U2SURP: variants seen among roughly 807,000 people sequenced by gnomAD.
U2SURP encodes the protein U2 snRNP-associated SURP motif-containing protein.
In U2SURP, 9 loss-of-function variants were observed where a neutral mutation model predicts 144.9. The observed-to-expected ratio is 0.06, with a 90% confidence interval of 0.04 to 0.11. The LOEUF (loss-of-function observed/expected upper bound fraction) is 0.11. Among genes scored for constraint, U2SURP ranks in the 10% least tolerant of loss-of-function variants. U2SURP has a pLI of 1.00. For synonymous variants in U2SURP, 408 were observed against 396.8 expected (o/e 1.03, Z -0.33); for missense variants, 724 against 1,226.7 (o/e 0.59, Z 6.12).
intron 24 of U2SURP, among the ~76,000 whole-genome samples, chr3:143,049,137 G>A (rs1934706026): frequency 6.6e-6 from 1 of 150,722 alleles, no homozygotes; most frequent in South Asian, 2.1e-4. Context: ...TTGGTGGCGT[G>A]CGCCTGTAAT....
At chr3:143,038,067 C>T (rs758911860) in intron 21 of U2SURP, 41 bp from the exon 22 acceptor site, 3 of 1,457,816 alleles carry the variant, frequency 2.1e-6, no homozygotes, top group Non-Finnish European at 2.8e-6. Flanking sequence ...TTCGGGTCAT[C>T]CACTAGTAGT....
rs768610344 is a variant in U2SURP at position 143,056,449 on chromosome 3, G to A, written c.3089G>A (p.Ter1030=). The change falls in exon 28 of 28, where the codon TGA becomes TAA. Residue 1030 remains the stop codon, a stop_retained_variant. Transcript: ENST00000473835. ...AAAAAGTCAAAGAAAAACAAACACT[G>A]ACGTAAATTTTTAAGATGCTGTCAC... is the stretch of plus-strand genomic sequence containing the variant. The part of the protein sequence containing the change: ...SHKKSKKNKH[*] 37 of 1,611,308 alleles carry A rather than the reference G, an allele frequency of 2.3e-5. No individual in the cohort carries two copies. Among genetic ancestry groups the A allele is most frequent in the Non-Finnish European group, 3.1e-5 (37 of 1,178,704 alleles).
chr3:143,058,619 GT>G lies in U2SURP; in HGVS notation c.*2173del, dbSNP rs1237772012. On this transcript the variant is annotated 3_prime_UTR_variant, in exon 28 of 28. Coordinates refer to ENST00000473835, the MANE Select transcript of U2SURP (RefSeq NM_001080415.2). The stretch of plus-strand genomic sequence containing the variant: ...GGTATTATTAGATAGGTTATTTCCA[GT>G]TTTACTTCATGACAAATTACCTAGA... 2.0e-5 allele frequency: 3 copies of G among 151,690 alleles called. No individual in the cohort carries two copies. The East Asian group carries it at 5.8e-4, about 29-fold the overall frequency. The allele number at this position is 151,690 out of a possible 1,614,324, so 9.4% of individuals were successfully genotyped here. A position where few individuals can be genotyped will look rare whatever the true frequency, so the allele number is the denominator to read the frequency against.
At chr3:143,007,259 T>G (rs2108267447) in intron 1 of U2SURP, among the ~76,000 whole-genome samples, 1 of 152,164 alleles carries the variant, frequency 6.6e-6, no homozygotes, top group East Asian at 1.9e-4. Flanking sequence ...GCCTTTTCAC[T>G]TCTTCCTTTT....
intron 23 of U2SURP, among the ~76,000 whole-genome samples, chr3:143,041,045 C>T (rs1201802723): frequency 6.6e-6 from 1 of 151,332 alleles, no homozygotes; most frequent in Non-Finnish European, 1.5e-5. Flanking sequence ...AGGATGTTTA[C>T]CAAAGAATAT....
chr3:143,038,319 A>C, intron 22 of U2SURP, 116 bp downstream of exon 22: 2 of 721,746 alleles, frequency 2.8e-6, no homozygotes, highest in Non-Finnish European at 4.2e-6. Flanking sequence ...CTTAATGCTC[A>C]ATGTTGTCAT....
intron 12 of U2SURP, 186 bp downstream of exon 12, chr3:143,023,250 T>G: frequency 5.8e-6 from 3 of 516,990 alleles, no homozygotes; most frequent in South Asian, 6.3e-5. Context: ...TAGGTCATAT[T>G]TTTATTTGTG....
At chr3:143,006,614 G>A (rs1271576955) in intron 1 of U2SURP, among the ~76,000 whole-genome samples, 1 of 152,042 alleles carries the variant, frequency 6.6e-6, no homozygotes, top group Non-Finnish European at 1.5e-5. Flanking sequence ...AATTAGCTGG[G>A]CATGGTGGCA....
At chr3:143,014,579 A>G (rs539482123) in intron 4 of U2SURP, among the ~76,000 whole-genome samples, 170 bp downstream of exon 4, 7 of 152,086 alleles carry the variant, frequency 4.6e-5, no homozygotes, top group Middle Eastern at 6.8e-3. Context: ...TTGAGCTTCT[A>G]TCCTTGTTCC....
intron 14 of U2SURP, 104 bp downstream of exon 14, chr3:143,027,357 G>A (rs974105956): frequency 3.7e-6 from 3 of 812,704 alleles, no homozygotes; most frequent in South Asian, 1.9e-5. Flanking sequence ...TCACATTGTT[G>A]TACAACCATC....
chr3:143,055,136 T>G lies in U2SURP; in HGVS notation c.2951+17T>G. The G allele has an allele frequency of 6.5e-7, 1 of 1,546,492 alleles. No homozygotes were observed. The highest frequency in any genetic ancestry group is 2.2e-5 in the Admixed American group (1 of 46,386). On this transcript the variant is annotated intron_variant, in intron 27 of 27. Coordinates refer to ENST00000473835, the MANE Select transcript of U2SURP (RefSeq NM_001080415.2). ...AGCCAAAAGGTAAATGCAAGTCATT[T>G]TTGCTAATATTTCAGATACCAGTTT...
At chr3:143,013,142 C>A (rs1160844551) in intron 3 of U2SURP, among the ~76,000 whole-genome samples, 1 of 151,902 alleles carries the variant, frequency 6.6e-6, no homozygotes, top group Non-Finnish European at 1.5e-5. Context: ...GTTTCCTTTG[C>A]CACATCTCTG....
intron 1 of U2SURP, chr3:143,002,123 G>A (rs1290219711): frequency 4.1e-6 from 1 of 241,734 alleles, no homozygotes; most frequent in African/African-American, 2.4e-5. Context: ...TCCCTCCAAG[G>A]AATGAATAAC....
intron 24 of U2SURP, among the ~76,000 whole-genome samples, chr3:143,045,106 C>T (rs1233705375): frequency 6.6e-6 from 1 of 152,238 alleles, no homozygotes; most frequent in East Asian, 1.9e-4. Context: ...TGCGGTGGCT[C>T]ATGCCTGTAA....
chr3:143,058,818 G>C lies in U2SURP; in HGVS notation c.*2368G>C, dbSNP rs923915012. On this transcript the variant is annotated 3_prime_UTR_variant, in exon 28 of 28. Coordinates refer to ENST00000473835, the MANE Select transcript of U2SURP (RefSeq NM_001080415.2). The stretch of plus-strand genomic sequence containing the variant: ...AAAATTTCTATAGGTTGACTAGAAT[G>C]TTCATAAGCATGGTCTTCCAGTTGC... 1 of 151,912 alleles carries C rather than the reference G, an allele frequency of 6.6e-6. No homozygotes were observed. Among genetic ancestry groups the C allele is most frequent in the Admixed American group, 6.6e-5 (1 of 15,238 alleles). The allele number at this position is 151,912 out of a possible 1,614,324, so 9.4% of individuals were successfully genotyped here.
intron 24 of U2SURP, among the ~76,000 whole-genome samples, chr3:143,046,691 A>G (rs1279726778): frequency 9.0e-6 from 1 of 110,640 alleles, no homozygotes; most frequent in Non-Finnish European, 1.8e-5. Flanking sequence ...TTAGTACAGA[A>G]CAAAATGAAG....
At chr3:143,049,695 G>A (rs1578172107) in intron 24 of U2SURP, among the ~76,000 whole-genome samples, 1 of 151,996 alleles carries the variant, frequency 6.6e-6, no homozygotes, top group Non-Finnish European at 1.5e-5. Flanking sequence ...TTAAGCCTTA[G>A]GATAGTTTTT....
intron 27 of U2SURP, among the ~76,000 whole-genome samples, chr3:143,055,512 A>C (rs1458554784): frequency 6.6e-6 from 1 of 152,140 alleles, no homozygotes; most frequent in African/African-American, 2.4e-5. Flanking sequence ...ATATTTTTGG[A>C]AATACATATC....
Position 143,057,905 on chromosome 3 carries a change from A to G in U2SURP, c.*1455A>G, listed in dbSNP as rs1935223268. On this transcript the variant is annotated 3_prime_UTR_variant, in exon 28 of 28. Transcript: ENST00000473835. ...TGAGCAGTGAGATACACTATTTCCA[A>G]ACGGTGCACACCTACAGTAGCTTTG... The G allele has an allele frequency of 6.6e-6, 1 of 152,378 alleles. No individual in the cohort carries two copies. Among genetic ancestry groups the G allele is most frequent in the African/African-American group, 2.4e-5 (1 of 41,402 alleles). The allele number at this position is 152,378 out of a possible 1,614,324, so 9.4% of individuals were successfully genotyped here.
Sources: gnomAD v4.1 joint callset for allele counts (sites outside exome capture counted in the v4.1 genomes callset) on GRCh38, gnomAD v4.1.1 for gene constraint, MANE v1.5 for transcripts, NCBI Gene and HGNC (gene_info 2026-07-23, HGNC 2026-07-21) for gene names.